Variants in TRPC4 observed in about 807,000 individuals in gnomAD.
TRPC4 encodes the protein transient receptor potential cation channel subfamily C member 4, also known as short transient receptor potential channel 4.
TRPC4 carries 49 observed loss-of-function variants against 99.4 expected under a neutral mutation model. The ratio of observed to expected loss-of-function variants is 0.49; its 90% confidence interval spans 0.39 to 0.63. The LOEUF is 0.63. Among genes scored for constraint, TRPC4 ranks in the 20% least tolerant of loss-of-function variants. The probability of loss-of-function intolerance (pLI) is 0.00; values close to 1 mark genes in which losing one functional copy is unlikely to be tolerated. For missense variants in TRPC4, 898 were observed against 1,152.9 expected (o/e 0.78, Z 3.20); for synonymous variants, 454 against 425.9 (o/e 1.07, Z -0.81).
intron 2 of TRPC4, among the ~76,000 whole-genome samples, chr13:37,769,512 G>C (rs1186046511): frequency 6.6e-6 from 1 of 151,368 alleles, no homozygotes. Context: ...TCAGAGAAAG[G>C]CTACATTTTG....
At chr13:37,833,401 T>G (rs1958475169) in intron 1 of TRPC4, among the ~76,000 whole-genome samples, 1 of 152,180 alleles carries the variant, frequency 6.6e-6, no homozygotes. Context: ...CCACAACGAC[T>G]TTCACAACCA....
intron 1 of TRPC4, among the ~76,000 whole-genome samples, chr13:37,848,697 A>G (rs1240195972): frequency 6.6e-6 from 1 of 152,138 alleles, no homozygotes; most frequent in Non-Finnish European, 1.5e-5. Flanking sequence ...ATTATTATCA[A>G]GAACAACTTC....
intron 1 of TRPC4, among the ~76,000 whole-genome samples, chr13:37,823,496 C>A (rs1171373980): frequency 8.1e-5 from 12 of 148,988 alleles, no homozygotes; most frequent in Non-Finnish European, 1.2e-4. Flanking sequence ...ATATGGCTAG[C>A]CAGTTTTCCC....
At chr13:37,703,308 C>T (rs920735176) in intron 3 of TRPC4, among the ~76,000 whole-genome samples, 11 of 152,026 alleles carry the variant, frequency 7.2e-5, no homozygotes, top group African/African-American at 2.7e-4. Context: ...ACACTGTTTA[C>T]CCATCTATGT....
intron 1 of TRPC4, among the ~76,000 whole-genome samples, chr13:37,829,362 C>T (rs116017277): frequency 0.026 from 3,909 of 152,290 alleles, 98 homozygotes; most frequent in African/African-American, 0.072. Flanking sequence ...TGCAAACATG[C>T]TCCATATCAT....
intron 3 of TRPC4, among the ~76,000 whole-genome samples, chr13:37,723,412 AAT>A (rs917348121): frequency 2.0e-5 from 3 of 152,222 alleles, no homozygotes; most frequent in Admixed American, 6.5e-5. Flanking sequence ...TAATGAAAAA[AAT>A]ATATATGTTA....
At chr13:37,818,947 C>T (rs1039642639) in intron 1 of TRPC4, among the ~76,000 whole-genome samples, 3 of 150,464 alleles carry the variant, frequency 2.0e-5, no homozygotes, top group Non-Finnish European at 4.4e-5. Flanking sequence ...ACTTAAAGTA[C>T]AATTAAAAAA....
chr13:37,733,220 C>T (rs570926442), intron 3 of TRPC4, among the ~76,000 whole-genome samples: 2 of 152,246 alleles, frequency 1.3e-5, no homozygotes, highest in South Asian at 2.1e-4. Context: ...TTGTAATGAA[C>T]CAAGACAGCA....
chr13:37,841,590 G>A (rs1333369802), intron 1 of TRPC4, among the ~76,000 whole-genome samples: 1 of 151,328 alleles, frequency 6.6e-6, no homozygotes, highest in Non-Finnish European at 1.5e-5. Context: ...AAAACAGAAA[G>A]AGAAGCTTTA....
intron 8 of TRPC4, among the ~76,000 whole-genome samples, chr13:37,647,429 G>T (rs1260031927): frequency 1.3e-5 from 2 of 152,220 alleles, no homozygotes; most frequent in Non-Finnish European, 2.9e-5. Flanking sequence ...CTAAGAGGCA[G>T]CTGAAAACAA....
At chr13:37,738,431 T>C (rs1955470538) in intron 3 of TRPC4, among the ~76,000 whole-genome samples, 1 of 152,184 alleles carries the variant, frequency 6.6e-6, no homozygotes, top group African/African-American at 2.4e-5. Flanking sequence ...CAAGGAAATC[T>C]ACAGAAGCTT....
chr13:37,699,116 T>G (rs2138921354), intron 3 of TRPC4, among the ~76,000 whole-genome samples: 1 of 152,300 alleles, frequency 6.6e-6, no homozygotes, highest in South Asian at 2.1e-4. Context: ...TATTAAATTC[T>G]TATTGTGTCT....
At chr13:37,859,211 A>G (rs949095528) in intron 1 of TRPC4, among the ~76,000 whole-genome samples, 2 of 151,526 alleles carry the variant, frequency 1.3e-5, no homozygotes, top group South Asian at 4.1e-4. Context: ...ACAAAAATAA[A>G]TGGAAAAAGC....
At chr13:37,753,575 A>AAGAAAGAGAGAGAG (rs1566145368) in intron 2 of TRPC4, among the ~76,000 whole-genome samples, 1 of 137,250 alleles carries the variant, frequency 7.3e-6, no homozygotes, top group Non-Finnish European at 1.5e-5. Context: ...GAGAGAGAGA[A>AAGAAAGAGAGAGAG]AGAGAGAGAG....
chr13:37,827,951 C>T (rs1347817489), intron 1 of TRPC4, among the ~76,000 whole-genome samples: 1 of 152,320 alleles, frequency 6.6e-6, no homozygotes, highest in East Asian at 1.9e-4. Context: ...CCCTCCGAGC[C>T]AGGTGCGGGA....
intron 3 of TRPC4, among the ~76,000 whole-genome samples, chr13:37,701,039 C>T (rs1954086663): frequency 6.6e-6 from 1 of 152,054 alleles, no homozygotes; most frequent in Non-Finnish European, 1.5e-5. Flanking sequence ...GTTTTGGAAA[C>T]AGCAGAGGCA....
At chr13:37,796,984 T>TAAAATAAAATAAAATAAAATAAA (rs1173828244) in intron 1 of TRPC4, among the ~76,000 whole-genome samples, 9 of 148,542 alleles carry the variant, frequency 6.1e-5, no homozygotes, top group Non-Finnish European at 1.0e-4. Flanking sequence ...TAAAGTAAAG[T>TAAAATAAAATAAAATAAAATAAA]AAAGTAAAGT....
rs147074623 is a variant in TRPC4 at position 37,729,610 on chromosome 13, T to C, written c.897+16327A>G. 2.4e-3 allele frequency among the ~76,000 whole-genome samples: 358 copies of C among 152,132 alleles called. 1 individual carries two copies. The highest frequency in any genetic ancestry group is 8.1e-3 in the African/African-American group (338 of 41,534). ...AAGTGTCCTTCAGTGGATGACTGGA[T>C]AGGCAAATGTGGTAAATACATACAA... On this transcript the variant is annotated intron_variant, in intron 3 of 10. Coordinates refer to ENST00000379705, the MANE Select transcript of TRPC4 (RefSeq NM_016179.4).
rs1362231982 is a variant in TRPC4 at position 37,634,935 on chromosome 13, C to A, written c.*1968G>T. 6.6e-6 allele frequency among the ~76,000 whole-genome samples: 1 copy of A among 151,936 alleles called. No homozygotes were observed. Among genetic ancestry groups the A allele is most frequent in the Non-Finnish European group, 1.5e-5 (1 of 67,976 alleles). On this transcript the variant is annotated 3_prime_UTR_variant, in exon 11 of 11. Transcript: ENST00000379705. ...AATCTATCTGGCCCATTCCTAAATT[C>A]CCAAAAACCAGGTTTAGGAGTGAAC...
Sources: gnomAD v4.1 joint callset for allele counts (sites outside exome capture counted in the v4.1 genomes callset) on GRCh38, gnomAD v4.1.1 for gene constraint, MANE v1.5 for transcripts, NCBI Gene and HGNC (gene_info 2026-07-23, HGNC 2026-07-21) for gene names.